The following HS6ST3 variants were observed in gnomAD, a reference collection of about 807,000 sequenced individuals.
The protein encoded by HS6ST3 is heparan-sulfate 6-O-sulfotransferase 3.
Under a neutral mutation model 36.7 loss-of-function variants are expected in HS6ST3, and 12 were observed. The observed-to-expected ratio is 0.33, with a 90% confidence interval of 0.21 to 0.53. The LOEUF is 0.53. HS6ST3 is among the 20% of genes least tolerant of loss of function. The probability of loss-of-function intolerance (pLI) is 0.95; values close to 1 mark genes in which losing one functional copy is unlikely to be tolerated. For missense variants in HS6ST3, 584 were observed against 640.9 expected, an observed-to-expected ratio of 0.91 and a Z score of 0.96; for synonymous variants, 240 against 257.5, an observed-to-expected ratio of 0.93 and a Z score of 0.65.
intron 1 of HS6ST3, chr13:96,573,945 G>A: frequency 1.9e-6 from 1 of 533,888 alleles, no homozygotes; most frequent in South Asian, 1.4e-5. Flanking sequence ...GCACAGATGT[G>A]CTGCTACTGC....
rs1438063283 is a variant in HS6ST3 at position 96,112,156 on chromosome 13, G to A, written c.707+20587G>A. Among the ~76,000 whole-genome samples the A allele has an allele frequency of 3.3e-5, 5 of 152,224 alleles. No homozygotes were observed. In the South Asian group the frequency reaches 6.2e-4, roughly 19 times the overall value. ...ATACAATTATATTTATGAGTTGAAT[G>A]TGTGATATAGTAGTCCTTACAGAAT... On this transcript the variant is annotated intron_variant, in intron 1 of 1. Coordinates refer to ENST00000376705, the MANE Select transcript of HS6ST3 (RefSeq NM_153456.4).
At chr13:96,830,018 A>G (rs1455428733) in intron 1 of HS6ST3, among the ~76,000 whole-genome samples, 1 of 152,004 alleles carries the variant, frequency 6.6e-6, no homozygotes, top group Non-Finnish European at 1.5e-5. Context: ...GGCATTCAGT[A>G]GAAACCATAC....
chr13:96,617,275 G>GT (rs1371819920), intron 1 of HS6ST3, among the ~76,000 whole-genome samples: 1 of 152,072 alleles, frequency 6.6e-6, no homozygotes, highest in Non-Finnish European at 1.5e-5. Context: ...TAGTCTCTTA[G>GT]TTTTTGTCCC....
intron 1 of HS6ST3, among the ~76,000 whole-genome samples, chr13:96,523,696 T>C (rs1394821321): frequency 1.3e-5 from 2 of 152,202 alleles, no homozygotes; most frequent in Non-Finnish European, 2.9e-5. Context: ...GAAGTTCTTG[T>C]ACTGTGTTTT....
chr13:96,833,417 G>A lies in HS6ST3; in HGVS notation c.*219G>A. 1.9e-6 allele frequency: 1 copy of A among 534,482 alleles called. No individual in the cohort carries two copies. The highest frequency in any genetic ancestry group is 3.3e-6 in the Non-Finnish European group (1 of 305,640). 33.1% of individuals were successfully genotyped at this position (534,482 alleles called of 1,614,324 possible). A position where few individuals can be genotyped will look rare whatever the true frequency, so the allele number is the denominator to read the frequency against. ...TTTGCAATTGGTGATATTAAGTAGG[G>A]TAGGAGTGCATCCCATATAGGCCAT... On this transcript the variant is annotated 3_prime_UTR_variant, in exon 2 of 2. Transcript: ENST00000376705.
intron 1 of HS6ST3, among the ~76,000 whole-genome samples, chr13:96,466,423 G>A (rs779836516): frequency 2.0e-5 from 3 of 152,060 alleles, no homozygotes; most frequent in Non-Finnish European, 4.4e-5. Flanking sequence ...TTTGACAAAC[G>A]TCTCTCCATT....
intron 1 of HS6ST3, among the ~76,000 whole-genome samples, chr13:96,214,272 T>G (rs1447045242): frequency 6.6e-6 from 1 of 152,160 alleles, no homozygotes; most frequent in Non-Finnish European, 1.5e-5. Context: ...TAATCTCATT[T>G]GGGGATATGG....
chr13:96,531,619 A>G (rs1239639871), intron 1 of HS6ST3, among the ~76,000 whole-genome samples: 1 of 152,194 alleles, frequency 6.6e-6, no homozygotes, highest in African/African-American at 2.4e-5. Context: ...AGCCATTACC[A>G]TCTTCATTTC....
At chr13:96,485,803 G>C (rs1185601440) in intron 1 of HS6ST3, among the ~76,000 whole-genome samples, 1 of 151,994 alleles carries the variant, frequency 6.6e-6, no homozygotes, top group Non-Finnish European at 1.5e-5. Context: ...GAGTTGTTTT[G>C]GTCTAGCTCA....
intron 1 of HS6ST3, among the ~76,000 whole-genome samples, chr13:96,124,656 C>G (rs887609760): frequency 2.0e-5 from 3 of 152,116 alleles, no homozygotes; most frequent in Non-Finnish European, 2.9e-5. Context: ...GGGTTACATG[C>G]TGAGGGCATA....
intron 1 of HS6ST3, among the ~76,000 whole-genome samples, chr13:96,473,470 A>G (rs1171287379): frequency 6.6e-6 from 1 of 152,222 alleles, no homozygotes; most frequent in Non-Finnish European, 1.5e-5. Flanking sequence ...GTTTAAAAAT[A>G]GGTAGGGAGT....
chr13:96,223,653 T>TGGG (rs5805956), intron 1 of HS6ST3, among the ~76,000 whole-genome samples: 7 of 147,724 alleles, frequency 4.7e-5, no homozygotes, highest in African/African-American at 1.5e-4. Flanking sequence ...GGAATGGATA[T>TGGG]GGGGGGGGGG....
chr13:96,531,611 C>T (rs1233845633), intron 1 of HS6ST3, among the ~76,000 whole-genome samples: 5 of 152,176 alleles, frequency 3.3e-5, no homozygotes, highest in African/African-American at 1.2e-4. Context: ...GCTTTTGCAG[C>T]CATTACCATC....
chr13:96,210,373 C>T (rs1159679290), intron 1 of HS6ST3, among the ~76,000 whole-genome samples: 2 of 152,200 alleles, frequency 1.3e-5, no homozygotes, highest in African/African-American at 2.4e-5. Flanking sequence ...ACTCCCCTCT[C>T]GCCACTGTAG....
At chr13:96,183,369 A>T (rs1358101307) in intron 1 of HS6ST3, among the ~76,000 whole-genome samples, 1 of 152,168 alleles carries the variant, frequency 6.6e-6, no homozygotes, top group Admixed American at 6.5e-5. Flanking sequence ...AAAGTTTGGG[A>T]TGATCTTCAT....
chr13:96,563,481 T>C (rs1037204643), intron 1 of HS6ST3, among the ~76,000 whole-genome samples: 15 of 152,196 alleles, frequency 9.9e-5, no homozygotes, highest in Non-Finnish European at 2.1e-4. Flanking sequence ...TTTTTAAAAG[T>C]TGAGAAAGCT....
rs1403006021 is a variant in HS6ST3 at position 96,833,212 on chromosome 13, C to G, written c.*14C>G. The G allele has an allele frequency of 6.6e-7, 1 of 1,511,638 alleles. No individual in the cohort carries two copies. Among genetic ancestry groups the G allele is most frequent in the East Asian group, 2.3e-5 (1 of 43,204 alleles). The allele number at this position is 1,511,638 out of a possible 1,614,324, so 93.6% of individuals were successfully genotyped here. A position where few individuals can be genotyped will look rare whatever the true frequency, so the allele number is the denominator to read the frequency against. ...GTGAGATGGTGACCTCCTGCCCTCT[C>G]CTCTCTCAGGAGGGGGAGGGTGAGC... On this transcript the variant is annotated 3_prime_UTR_variant, in exon 2 of 2. Transcript: ENST00000376705.
intron 1 of HS6ST3, among the ~76,000 whole-genome samples, chr13:96,609,507 A>G (rs2138987651): frequency 6.6e-6 from 1 of 152,270 alleles, no homozygotes; most frequent in South Asian, 2.1e-4. Flanking sequence ...TCCAGGGACT[A>G]CAAAGCATAG....
intron 1 of HS6ST3, among the ~76,000 whole-genome samples, chr13:96,515,849 T>C (rs2056070215): frequency 6.6e-6 from 1 of 152,196 alleles, no homozygotes; most frequent in African/African-American, 2.4e-5. Context: ...TATGTCTTTA[T>C]AGTGGTATAT....
Sources: gnomAD v4.1 joint callset for allele counts (sites outside exome capture counted in the v4.1 genomes callset) on GRCh38, gnomAD v4.1.1 for gene constraint, MANE v1.5 for transcripts, NCBI Gene and HGNC (gene_info 2026-07-23, HGNC 2026-07-21) for gene names.